The following VBP1 variants were observed in gnomAD, a reference collection of about 807,000 sequenced individuals.
The protein encoded by VBP1 is prefoldin subunit 3.
Under a neutral mutation model 15.5 loss-of-function variants are expected in VBP1, and 4 were observed. That is an observed-to-expected ratio of 0.26 (90% CI 0.13 to 0.59). The LOEUF (loss-of-function observed/expected upper bound fraction) is 0.59. Among genes scored for constraint, VBP1 ranks in the 20% least tolerant of loss-of-function variants. The probability of loss-of-function intolerance (pLI) is 0.90; values close to 1 mark genes in which losing one functional copy is unlikely to be tolerated. For synonymous variants in VBP1, 61 were observed against 52.1 expected, an observed-to-expected ratio of 1.17 and a Z score of -0.74; for missense variants, 108 against 139.6, an observed-to-expected ratio of 0.77 and a Z score of 1.14.
chrX:155,222,094 T>C (rs1484731947), intron 2 of VBP1, among the ~76,000 whole-genome samples: 2 of 112,743 alleles, frequency 1.8e-5, no homozygotes, highest in Non-Finnish European at 3.8e-5. Flanking sequence ...ACAATGTACA[T>C]GTACTGCTTT....
At chrX:155,223,190 A>ATTTC (rs1375558236) in intron 2 of VBP1, among the ~76,000 whole-genome samples, 12 of 5,531 alleles carry the variant, frequency 2.2e-3, no homozygotes, top group South Asian at 0.026. Context: ...AGTTCAGCCT[A>ATTTC]TTTCTTTCTT....
rs1278305178 is a variant in VBP1, at chrX:155,221,196, G to A, written c.218+889G>A. Among the ~76,000 whole-genome samples, 4 of 111,302 alleles carry A rather than the reference G, an allele frequency of 3.6e-5. No individual in the cohort carries two copies. In the South Asian group the frequency reaches 1.1e-3, roughly 32 times the overall value. ...AATACAAATAAATTAGCCAGACGTGGTGGCATGCGCTTGTAATCCCAGCTA... is the reference window on the plus strand; with the variant it reads ...AATACAAATAAATTAGCCAGACGTGATGGCATGCGCTTGTAATCCCAGCTA... On this transcript the variant is annotated intron_variant, in intron 2 of 5. Coordinates refer to ENST00000286428, the MANE Select transcript of VBP1 (RefSeq NM_003372.7).
intron 1 of VBP1, among the ~76,000 whole-genome samples, chrX:155,199,442 A>G (rs1354293140): frequency 2.7e-5 from 3 of 111,056 alleles, no homozygotes; most frequent in Non-Finnish European, 5.7e-5. Flanking sequence ...GAAGAGAGTG[A>G]GGGCCAATAT....
chrX:155,205,273 G>A (rs1229196713), intron 1 of VBP1, among the ~76,000 whole-genome samples: 1 of 111,461 alleles, frequency 9.0e-6, no homozygotes, highest in African/African-American at 3.3e-5. Flanking sequence ...CCAGAAAATG[G>A]TAAATATACA....
intron 1 of VBP1, among the ~76,000 whole-genome samples, chrX:155,197,614 T>G (rs782124877): frequency 1.8e-5 from 2 of 111,713 alleles, no homozygotes; most frequent in Non-Finnish European, 3.8e-5. Context: ...ATTAGAAAAT[T>G]TTGAGAGCTG....
At chrX:155,225,155 C>T (rs782328762) in intron 2 of VBP1, among the ~76,000 whole-genome samples, 1 of 111,614 alleles carries the variant, frequency 9.0e-6, no homozygotes, top group Middle Eastern at 4.6e-3. Flanking sequence ...AATGTCTTTT[C>T]CCTGTCAGCT....
chrX:155,208,143 AG>A (rs2074632255), intron 1 of VBP1, among the ~76,000 whole-genome samples: 1 of 112,276 alleles, frequency 8.9e-6, no homozygotes, highest in African/African-American at 3.2e-5. Flanking sequence ...ACAGTCAATG[AG>A]GGTCCATTTA....
At chrX:155,238,385 A>C (rs1324950801) in intron 5 of VBP1, among the ~76,000 whole-genome samples, 1 of 112,038 alleles carries the variant, frequency 8.9e-6, no homozygotes, top group Non-Finnish European at 1.9e-5. Context: ...ATTATTGATA[A>C]TTGTAATAAT....
At chrX:155,199,605 G>A (rs1156341988) in intron 1 of VBP1, among the ~76,000 whole-genome samples, 2 of 111,793 alleles carry the variant, frequency 1.8e-5, no homozygotes, top group African/African-American at 6.5e-5. Flanking sequence ...GCTCCTGAAG[G>A]AAGCACTAAA....
intron 1 of VBP1, among the ~76,000 whole-genome samples, chrX:155,203,984 C>A (rs1197354653): frequency 9.0e-6 from 1 of 111,298 alleles, no homozygotes; most frequent in Non-Finnish European, 1.9e-5. Flanking sequence ...AGCTATCGGA[C>A]CTTGTGGTGT....
chrX:155,214,399 A>G (rs1371405519), upstream of VBP1, among the ~76,000 whole-genome samples: 1 of 112,306 alleles, frequency 8.9e-6, no homozygotes, highest in Non-Finnish European at 1.9e-5. Flanking sequence ...TTTTATTATC[A>G]CTTATGAAAT....
chrX:155,236,972 T>A (rs2074776764), intron 5 of VBP1, among the ~76,000 whole-genome samples: 1 of 112,447 alleles, frequency 8.9e-6, no homozygotes, highest in East Asian at 2.8e-4. Flanking sequence ...AACAGCTGAA[T>A]GATAATTCAT....
intron 4 of VBP1, among the ~76,000 whole-genome samples, chrX:155,228,764 C>G (rs1330678764): frequency 9.0e-6 from 1 of 111,603 alleles, no homozygotes; most frequent in Non-Finnish European, 1.9e-5. Context: ...TGCTTCTCTT[C>G]CAGTTAGTGC....
upstream of VBP1, chrX:155,216,230 T>C (rs782776400): frequency 1.6e-5 from 8 of 504,301 alleles, no homozygotes; most frequent in East Asian, 2.1e-4. Flanking sequence ...GGAGGACGTA[T>C]GGGTTTTTCC....
chrX:155,232,319 A>C (rs782268095), intron 4 of VBP1, among the ~76,000 whole-genome samples: 1 of 109,064 alleles, frequency 9.2e-6, no homozygotes, highest in Non-Finnish European at 1.9e-5. Context: ...ACTTTTTCTC[A>C]TCTGTCACTT....
At chrX:155,211,598 A>G (rs2074645294), upstream of VBP1, among the ~76,000 whole-genome samples, 1 of 112,252 alleles carries the variant, frequency 8.9e-6, no homozygotes, top group African/African-American at 3.2e-5. Flanking sequence ...TTGGGCTTTC[A>G]TATTTCAAGG....
chrX:155,227,295 GA>G lies in VBP1; in HGVS notation c.285del (p.Glu96SerfsTer36). ...TGGAAATTCTAAAATACATGCAGAA[GA>G]AAAAAGTAAGTGCATTTTTGTTTGT... ...TLEILKYMQK[K>X]KESTNSMETR... On this transcript the variant is annotated frameshift_variant, in exon 3 of 6. Transcript: ENST00000286428. LOFTEE classifies it high-confidence loss of function. 1 of 1,166,817 alleles carries G rather than the reference GA, an allele frequency of 8.6e-7. No homozygotes were observed. Among genetic ancestry groups the G allele is most frequent in the Non-Finnish European group, 1.1e-6 (1 of 875,571 alleles).
At chrX:155,223,237 T>A (rs2074699474) in intron 2 of VBP1, among the ~76,000 whole-genome samples, 1 of 102,601 alleles carries the variant, frequency 9.7e-6, no homozygotes, top group African/African-American at 3.6e-5. Context: ...TCTTGGGTGT[T>A]TCTCGGAGAG....
intron 1 of VBP1, among the ~76,000 whole-genome samples, chrX:155,204,327 A>G (rs1487703329): frequency 9.1e-6 from 1 of 110,072 alleles, no homozygotes; most frequent in Non-Finnish European, 1.9e-5. Context: ...TAATTTTTTT[A>G]TTTTTAGTAG....
Sources: allele counts gnomAD v4.1 joint callset (sites outside exome capture counted in the v4.1 genomes callset), GRCh38; gene constraint gnomAD v4.1.1; transcripts MANE v1.5; gene names NCBI Gene and HGNC (gene_info 2026-07-23, HGNC 2026-07-21).